RANBP2: variants seen among roughly 807,000 people sequenced by gnomAD.
The protein encoded by RANBP2 is RAN binding protein 2.
RANBP2 carries 57 observed loss-of-function variants against 303.6 expected under a neutral mutation model. The ratio of observed to expected loss-of-function variants is 0.19; its 90% confidence interval spans 0.15 to 0.23. The LOEUF (loss-of-function observed/expected upper bound fraction) is 0.23, where lower values mean the gene tolerates loss of function less well. RANBP2 is among the 10% of genes least tolerant of loss of function. RANBP2 has a pLI of 1.00. For missense variants in RANBP2, 3,138 were observed against 3,780.8 expected, an observed-to-expected ratio of 0.83 and a Z score of 4.46; for synonymous variants, 1,167 against 1,301.5, an observed-to-expected ratio of 0.90 and a Z score of 2.23.
At chr2:109,463,332 C>T in the RANBP2 span, among the ~76,000 whole-genome samples, 1 of 152,336 alleles carries the variant, frequency 6.6e-6, no homozygotes, top group Middle Eastern at 3.4e-3. Context: ...ACCACCTGGT[C>T]GGCCTTGTCT....
At chr2:109,068,933 A>G in the RANBP2 span, among the ~76,000 whole-genome samples, 1 of 152,162 alleles carries the variant, frequency 6.6e-6, no homozygotes, top group Non-Finnish European at 1.5e-5. Flanking sequence ...ATGGCTGACA[A>G]TCTTATATCG....
the RANBP2 span, chr2:108,910,734 G>A: frequency 6.2e-7 from 1 of 1,605,202 alleles, no homozygotes; most frequent in South Asian, 1.1e-5. Context: ...ACCCAGAGAT[G>A]GGCACCGTGC....
At chr2:109,602,848 T>C in the RANBP2 span, among the ~76,000 whole-genome samples, 96 of 133,032 alleles carry the variant, frequency 7.2e-4, no homozygotes, top group Middle Eastern at 4.3e-3. Flanking sequence ...GGAAGAGAAA[T>C]AGATACCCAT....
At chr2:109,373,912 G>C in the RANBP2 span, among the ~76,000 whole-genome samples, 2 of 152,126 alleles carry the variant, frequency 1.3e-5, no homozygotes, top group Non-Finnish European at 2.9e-5. Flanking sequence ...TTGGGAGTCC[G>C]CAAGCAGGTG....
At chr2:108,913,732 C>T in the RANBP2 span, among the ~76,000 whole-genome samples, 72 of 152,162 alleles carry the variant, frequency 4.7e-4, no homozygotes, top group Admixed American at 7.9e-4. Flanking sequence ...TGGCGGATCA[C>T]GAGGTCAGGA....
chr2:109,524,145 G>A, the RANBP2 span, among the ~76,000 whole-genome samples: 7,112 of 152,250 alleles, frequency 0.047, 562 homozygotes, highest in African/African-American at 0.16. Context: ...AGGGCCTAGT[G>A]GCGCAAGAGC....
the RANBP2 span, among the ~76,000 whole-genome samples, chr2:108,870,019 C>T: frequency 1.3e-5 from 2 of 152,144 alleles, no homozygotes; most frequent in African/African-American, 4.8e-5. Flanking sequence ...CTTAAATATG[C>T]TCAATGAGCT....
At chr2:109,743,542 G>A in the RANBP2 span, among the ~76,000 whole-genome samples, 1 of 144,420 alleles carries the variant, frequency 6.9e-6, no homozygotes. Context: ...CAAGCCACAG[G>A]TTGAAAGAAA....
the RANBP2 span, among the ~76,000 whole-genome samples, chr2:108,960,460 A>C: frequency 4.3e-4 from 65 of 152,326 alleles, 1 homozygote; most frequent in Middle Eastern, 3.4e-3. Context: ...CAGGCAAAGA[A>C]TAAGTATAAT....
the RANBP2 span, among the ~76,000 whole-genome samples, chr2:109,051,600 G>C: frequency 6.6e-6 from 1 of 151,950 alleles, no homozygotes; most frequent in African/African-American, 2.4e-5. Flanking sequence ...AGAGGGAGAG[G>C]GGTAGTTACA....
At chr2:108,969,174 CT>C in the RANBP2 span, among the ~76,000 whole-genome samples, 62 of 152,020 alleles carry the variant, frequency 4.1e-4, no homozygotes, top group African/African-American at 1.4e-3. Flanking sequence ...TATGGCTGGT[CT>C]TGATCTCTAG....
the RANBP2 span, among the ~76,000 whole-genome samples, chr2:109,599,757 T>C: frequency 6.6e-6 from 1 of 152,178 alleles, no homozygotes; most frequent in Non-Finnish European, 1.5e-5. Context: ...AGTCTCAAGC[T>C]TAACAAAAGC....
At chr2:109,351,387 CCA>C in the RANBP2 span, among the ~76,000 whole-genome samples, 1 of 152,226 alleles carries the variant, frequency 6.6e-6, no homozygotes, top group Non-Finnish European at 1.5e-5. Flanking sequence ...GTGCTGAGAA[CCA>C]CATGATATAA....
chr2:108,977,331 C>T, the RANBP2 span, among the ~76,000 whole-genome samples: 4 of 152,294 alleles, frequency 2.6e-5, no homozygotes, highest in East Asian at 5.8e-4. Flanking sequence ...TGCAGTGGCG[C>T]GATCTCGGCT....
At chr2:108,989,173 C>T in the RANBP2 span, 1 of 152,866 alleles carries the variant, frequency 6.5e-6, no homozygotes, top group African/African-American at 2.4e-5. Context: ...GTTTAAAGGG[C>T]TTCCCGGGAA....
the RANBP2 span, among the ~76,000 whole-genome samples, chr2:109,120,996 T>C: frequency 3.3e-5 from 5 of 152,080 alleles, no homozygotes; most frequent in East Asian, 1.9e-4. Context: ...CCTGTAATCC[T>C]AGCACTTTGG....
At chr2:109,646,230 G>A in the RANBP2 span, among the ~76,000 whole-genome samples, 1 of 152,152 alleles carries the variant, frequency 6.6e-6, no homozygotes, top group Non-Finnish European at 1.5e-5. Context: ...ACTGGCTTCA[G>A]ACTAGGACCA....
chr2:108,759,120 G>T (rs1342286369), intron 18 of RANBP2, among the ~76,000 whole-genome samples: 1 of 151,336 alleles, frequency 6.6e-6, no homozygotes, highest in Non-Finnish European at 1.5e-5. Flanking sequence ...TGTGCAGGTG[G>T]GCGTGGGTGT....
the RANBP2 span, among the ~76,000 whole-genome samples, chr2:109,599,062 T>C: frequency 6.6e-6 from 1 of 152,084 alleles, no homozygotes; most frequent in African/African-American, 2.4e-5. Context: ...AGGTTAACAG[T>C]GATCTAAAAT....
Sources: allele counts gnomAD v4.1 joint callset (sites outside exome capture counted in the v4.1 genomes callset), GRCh38; gene constraint gnomAD v4.1.1; transcripts MANE v1.5; gene names NCBI Gene and HGNC (gene_info 2026-07-23, HGNC 2026-07-21).